Variants in CACNA2D2 observed in about 807,000 individuals in gnomAD.
CACNA2D2 encodes calcium voltage-gated channel auxiliary subunit alpha2delta 2.
In CACNA2D2, 48 loss-of-function variants were observed where a neutral mutation model predicts 166.4. The observed-to-expected ratio is 0.29, with a 90% CI of 0.23 to 0.37. The LOEUF (loss-of-function observed/expected upper bound fraction) is 0.37, where lower values mean the gene tolerates loss of function less well. Among genes scored for constraint, CACNA2D2 ranks in the 10% least tolerant of loss-of-function variants. The pLI is 1.00. For synonymous variants in CACNA2D2, 561 were observed against 573.7 expected, an observed-to-expected ratio of 0.98 and a Z score of 0.32; for missense variants, 1,122 against 1,433.0, an observed-to-expected ratio of 0.78 and a Z score of 3.50.
chr3:50,370,623 C>T (rs1184446451), intron 22 of CACNA2D2, among the ~76,000 whole-genome samples: 2 of 152,076 alleles, frequency 1.3e-5, no homozygotes, highest in East Asian at 1.9e-4. Flanking sequence ...ATATGTTGCC[C>T]GGGCCTGGTC....
In CACNA2D2 at chr3:50,441,880, G is replaced by T. The variant is rs148025966; in HGVS notation, c.289-7451C>A. On this transcript the variant is annotated intron_variant, in intron 2 of 37. Coordinates refer to ENST00000424201, the MANE Select transcript of CACNA2D2 (RefSeq NM_006030.4). ...GAACAGGGTTGCAGAATCCAGCTCG[G>T]AAGTGGGAGGAACTTTCCCACACTC... 1.2e-3 allele frequency among the ~76,000 whole-genome samples: 185 copies of T among 152,314 alleles called. 1 individual carries two copies. The highest frequency in any genetic ancestry group is 4.1e-3 in the African/African-American group (171 of 41,570).
chr3:50,402,363 C>T (rs1157131620), intron 3 of CACNA2D2, among the ~76,000 whole-genome samples: 3 of 152,194 alleles, frequency 2.0e-5, no homozygotes, highest in South Asian at 4.1e-4. Context: ...CTCAGGAGGA[C>T]GTGTGGGTGG....
intron 3 of CACNA2D2, among the ~76,000 whole-genome samples, chr3:50,418,621 G>T (rs1036820973): frequency 2.0e-5 from 3 of 152,230 alleles, no homozygotes; most frequent in Non-Finnish European, 4.4e-5. Context: ...GGCAGCTTGG[G>T]GGGCCAGTGT....
chr3:50,465,932 G>C (rs1575732703), intron 2 of CACNA2D2, among the ~76,000 whole-genome samples: 1 of 152,144 alleles, frequency 6.6e-6, no homozygotes, highest in Non-Finnish European at 1.5e-5. Context: ...ACCTGACCAT[G>C]CCTGCAAACT....
intron 4 of CACNA2D2, among the ~76,000 whole-genome samples, chr3:50,393,862 A>C (rs1364006558): frequency 6.6e-6 from 1 of 152,178 alleles, no homozygotes; most frequent in African/African-American, 2.4e-5. Context: ...CACTACTTTC[A>C]AGCAGCCTTC....
intron 3 of CACNA2D2, among the ~76,000 whole-genome samples, chr3:50,398,648 G>A (rs1197414135): frequency 6.6e-6 from 1 of 152,140 alleles, no homozygotes; most frequent in Non-Finnish European, 1.5e-5. Context: ...GGGGGTAAGG[G>A]CTGCCCATGG....
At chr3:50,388,601 G>A (rs1214035226) in intron 4 of CACNA2D2, among the ~76,000 whole-genome samples, 1 of 152,230 alleles carries the variant, frequency 6.6e-6, no homozygotes, top group African/African-American at 2.4e-5. Flanking sequence ...GGCAGAGCCA[G>A]CACTCACACC....
chr3:50,396,290 T>G (rs1282234921), intron 3 of CACNA2D2, among the ~76,000 whole-genome samples: 2 of 152,130 alleles, frequency 1.3e-5, no homozygotes, highest in African/African-American at 4.8e-5. Context: ...GCTCAGGCTC[T>G]GTCCTGCCCG....
chr3:50,467,387 G>A (rs1324737771), intron 2 of CACNA2D2, among the ~76,000 whole-genome samples: 2 of 152,174 alleles, frequency 1.3e-5, no homozygotes, highest in Non-Finnish European at 2.9e-5. Context: ...TTTCTCCATG[G>A]GGGCAGATGG....
chr3:50,368,270 G>C (rs587735930), intron 23 of CACNA2D2, 35 bp from the exon 24 acceptor site: 13 of 1,371,142 alleles, frequency 9.5e-6, no homozygotes, highest in South Asian at 2.3e-5. Context: ...AGTGGGCTTG[G>C]GGGGCTGGAC....
Position 50,376,430 on chromosome 3 carries a change from T to A in CACNA2D2, c.1627-242A>T, listed in dbSNP as rs587600041. ...CGGCGTGTGGGCTGCTGCTCTGCAG[T>A]CCTCATCCTCTCCCCCTGGTTCTCA... On this transcript the variant is annotated intron_variant, in intron 17 of 37. Coordinates refer to ENST00000424201, the MANE Select transcript of CACNA2D2 (RefSeq NM_006030.4). The surrounding 1 kb of genome is among the most constrained non-coding windows in gnomAD (Gnocchi z 4.3). Among the ~76,000 whole-genome samples the A allele has an allele frequency of 7.2e-5, 11 of 152,258 alleles. No individual in the cohort carries two copies. Among genetic ancestry groups the A allele is most frequent in the African/African-American group, 2.4e-4 (10 of 41,552 alleles).
intron 1 of CACNA2D2, among the ~76,000 whole-genome samples, chr3:50,478,925 C>T (rs1050617067): frequency 1.3e-5 from 2 of 152,194 alleles, no homozygotes; most frequent in Non-Finnish European, 2.9e-5. Context: ...GATTCCACCC[C>T]AGGCTGTTGA....
chr3:50,429,040 C>A (rs1487778781), intron 3 of CACNA2D2, among the ~76,000 whole-genome samples: 4 of 151,920 alleles, frequency 2.6e-5, no homozygotes, highest in Non-Finnish European at 5.9e-5. Flanking sequence ...GACCAGCCTG[C>A]GCAACATAGC....
intron 2 of CACNA2D2, among the ~76,000 whole-genome samples, chr3:50,469,152 T>G (rs1018918585): frequency 6.6e-6 from 1 of 152,086 alleles, no homozygotes; most frequent in East Asian, 1.9e-4. Context: ...TTTAAGCCCA[T>G]GAGGCCTGAA....
chr3:50,393,151 C>T (rs1019316032), intron 4 of CACNA2D2, among the ~76,000 whole-genome samples: 3 of 152,208 alleles, frequency 2.0e-5, no homozygotes, highest in African/African-American at 4.8e-5. Context: ...GGTCTATCCA[C>T]TCTGTGCTTC....
chr3:50,405,994 A>C (rs1575638310), intron 3 of CACNA2D2, among the ~76,000 whole-genome samples: 1 of 150,094 alleles, frequency 6.7e-6, no homozygotes, highest in Admixed American at 6.6e-5. Context: ...TCCAATCTCT[A>C]CCCCCTATCC....
chr3:50,395,046 A>T (rs1706079604), intron 3 of CACNA2D2, among the ~76,000 whole-genome samples: 1 of 152,104 alleles, frequency 6.6e-6, no homozygotes, highest in African/African-American at 2.4e-5. Context: ...CTTTCTAAGG[A>T]TCCCTTCTCT....
At chr3:50,421,703 C>A (rs1033608859) in intron 3 of CACNA2D2, among the ~76,000 whole-genome samples, 1 of 152,126 alleles carries the variant, frequency 6.6e-6, no homozygotes, top group African/African-American at 2.4e-5. Flanking sequence ...AGCAGGGCCA[C>A]GAGGCCTCCA....
At chr3:50,445,523 G>C (rs1455319364) in intron 2 of CACNA2D2, among the ~76,000 whole-genome samples, 1 of 152,040 alleles carries the variant, frequency 6.6e-6, no homozygotes, top group East Asian at 1.9e-4. Context: ...CAATTTTTAG[G>C]CTCTCCTTGA....
Sources: gnomAD v4.1 joint callset for allele counts (sites outside exome capture counted in the v4.1 genomes callset) on GRCh38, gnomAD v4.1.1 for gene constraint, Gnocchi (gnomAD v3.1) non-coding constraint, MANE v1.5 for transcripts, NCBI Gene and HGNC (gene_info 2026-07-23, HGNC 2026-07-21) for gene names.